LRRC4C: variants seen among roughly 807,000 people sequenced by gnomAD.
LRRC4C encodes leucine rich repeat containing 4C.
Under a neutral mutation model 33.6 loss-of-function variants are expected in LRRC4C, and 5 were observed. The observed-to-expected ratio is 0.15, with a 90% CI of 0.08 to 0.31. LRRC4C has a LOEUF of 0.31. Ranked by LOEUF, LRRC4C falls within the 10% of genes least tolerant of loss-of-function variation. The probability of loss-of-function intolerance (pLI) is 1.00; values close to 1 mark genes in which losing one functional copy is unlikely to be tolerated. For synonymous variants in LRRC4C, 329 were observed against 302.0 expected, an observed-to-expected ratio of 1.09 and a Z score of -0.93; for missense variants, 560 against 796.7, an observed-to-expected ratio of 0.70 and a Z score of 3.58.
chr11:41,252,906 T>A (rs1948687540), intron 1 of LRRC4C, among the ~76,000 whole-genome samples: 1 of 152,176 alleles, frequency 6.6e-6, no homozygotes, highest in Middle Eastern at 3.4e-3. Context: ...GAAAGATCCA[T>A]CCCCATGATT....
At chr11:41,371,637 T>C (rs1478278187) in intron 1 of LRRC4C, among the ~76,000 whole-genome samples, 1 of 152,238 alleles carries the variant, frequency 6.6e-6, no homozygotes, top group African/African-American at 2.4e-5. Context: ...TGTGGATTGC[T>C]AAACCTCTTG....
intron 3 of LRRC4C, among the ~76,000 whole-genome samples, chr11:40,616,537 T>A (rs1465918590): frequency 6.6e-6 from 1 of 151,586 alleles, no homozygotes; most frequent in Non-Finnish European, 1.5e-5. Context: ...TAGACTGGAT[T>A]AAGAAAATGT....
intron 1 of LRRC4C, among the ~76,000 whole-genome samples, chr11:41,170,612 G>T (rs530136261): frequency 6.6e-6 from 1 of 152,150 alleles, no homozygotes; most frequent in Non-Finnish European, 1.5e-5. Flanking sequence ...TTTCAAGATG[G>T]ATTAAAGACT....
At chr11:41,338,636 A>G (rs1193819581) in intron 1 of LRRC4C, among the ~76,000 whole-genome samples, 1 of 152,134 alleles carries the variant, frequency 6.6e-6, no homozygotes, top group Non-Finnish European at 1.5e-5. Context: ...GCAAACCACC[A>G]TGGCGCATGT....
intron 2 of LRRC4C, among the ~76,000 whole-genome samples, chr11:40,882,454 G>C (rs1955229561): frequency 6.6e-6 from 1 of 152,086 alleles, no homozygotes; most frequent in Admixed American, 6.6e-5. Context: ...CATTAGGCTA[G>C]AATTCAGACT....
intron 1 of LRRC4C, among the ~76,000 whole-genome samples, chr11:41,441,284 G>A (rs964438623): frequency 3.3e-5 from 5 of 152,126 alleles, no homozygotes; most frequent in Non-Finnish European, 2.9e-5. Flanking sequence ...TTGTGTGTGT[G>A]TTGGTGTGAC....
At position 40,209,827 on chromosome 11, in the gene LRRC4C, A is replaced by G. The variant is rs757434948; in HGVS notation, c.-96+31692T>C. Among the ~76,000 whole-genome samples the G allele has an allele frequency of 5.8e-4, 89 of 152,230 alleles. 1 individual carries two copies. Among genetic ancestry groups the G allele is most frequent in the Non-Finnish European group, 1.1e-3 (74 of 68,038 alleles). On this transcript the variant is annotated intron_variant, in intron 5 of 6. Coordinates refer to ENST00000528697, the MANE Select transcript of LRRC4C (RefSeq NM_001258419.2). ...AAGAATAATGTAAGCATAAATCATA[A>G]CAATATACTAGGATGCCTGATAAAA...
rs1398389117 is a variant in LRRC4C at position 40,466,011 on chromosome 11, T to C, written c.-269-146290A>G. ...TATTCACAAGAGCAAAAATATAGAA[T>C]CAACCTAAGTGTCCATCAATGGATG... On this transcript the variant is annotated intron_variant, in intron 3 of 6. Transcript: ENST00000528697. Among the ~76,000 whole-genome samples the C allele has an allele frequency of 2.0e-5, 3 of 152,022 alleles. No homozygotes were observed. In the East Asian group the frequency reaches 5.8e-4, roughly 29 times the overall value.
chr11:40,177,241 C>T (rs1860582095), intron 5 of LRRC4C, among the ~76,000 whole-genome samples: 2 of 152,198 alleles, frequency 1.3e-5, no homozygotes, highest in South Asian at 4.2e-4. Flanking sequence ...GCATGAGCCA[C>T]CGTGCCCGGG....
At chr11:41,422,820 G>A (rs1483458675) in intron 1 of LRRC4C, among the ~76,000 whole-genome samples, 1 of 151,830 alleles carries the variant, frequency 6.6e-6, no homozygotes, top group Non-Finnish European at 1.5e-5. Flanking sequence ...AAAGAAATAA[G>A]AAATACAAAA....
At chr11:40,150,274 T>C (rs1293705244) in intron 5 of LRRC4C, among the ~76,000 whole-genome samples, 1 of 152,216 alleles carries the variant, frequency 6.6e-6, no homozygotes, top group African/African-American at 2.4e-5. Context: ...CAAAGACTGT[T>C]TTTTCCAAAT....
At chr11:40,774,614 T>G (rs899687135) in intron 2 of LRRC4C, among the ~76,000 whole-genome samples, 1 of 152,150 alleles carries the variant, frequency 6.6e-6, no homozygotes, top group African/African-American at 2.4e-5. Flanking sequence ...GCTATGATCT[T>G]TAACCTGTGA....
chr11:41,275,733 A>G (rs1463818013), intron 1 of LRRC4C, among the ~76,000 whole-genome samples: 3 of 152,208 alleles, frequency 2.0e-5, no homozygotes, highest in African/African-American at 7.2e-5. Context: ...TGGGAATGAC[A>G]TAGTCAAATT....
At chr11:40,950,547 C>G (rs1958646915) in intron 1 of LRRC4C, among the ~76,000 whole-genome samples, 1 of 151,936 alleles carries the variant, frequency 6.6e-6, no homozygotes, top group African/African-American at 2.4e-5. Flanking sequence ...TATAATATTA[C>G]TGAATTCAAA....
At chr11:40,279,847 C>T (rs1419330790) in intron 4 of LRRC4C, among the ~76,000 whole-genome samples, 2 of 152,092 alleles carry the variant, frequency 1.3e-5, no homozygotes, top group African/African-American at 4.8e-5. Flanking sequence ...CAGTATATGG[C>T]ATTTATTAGT....
intron 2 of LRRC4C, among the ~76,000 whole-genome samples, chr11:40,844,258 TA>T (rs886336352): frequency 4.6e-5 from 7 of 151,426 alleles, no homozygotes; most frequent in African/African-American, 1.2e-4. Context: ...AAATACAAAA[TA>T]AAAAAAATAC....
At chr11:40,722,359 A>G (rs1020827787) in intron 2 of LRRC4C, among the ~76,000 whole-genome samples, 1 of 152,110 alleles carries the variant, frequency 6.6e-6, no homozygotes, top group South Asian at 2.1e-4. Context: ...CTAAGCGCCT[A>G]TTTGCCAGCC....
intron 1 of LRRC4C, among the ~76,000 whole-genome samples, chr11:41,222,299 G>A (rs1347882782): frequency 6.6e-6 from 1 of 152,124 alleles, no homozygotes; most frequent in Non-Finnish European, 1.5e-5. Flanking sequence ...GATAGGCAAG[G>A]GTTACTCTGC....
chr11:40,145,147 T>A lies in LRRC4C; in HGVS notation c.-95-4294A>T, dbSNP rs1031348397. Among the ~76,000 whole-genome samples, 4 of 152,292 alleles carry A rather than the reference T, an allele frequency of 2.6e-5. No individual in the cohort carries two copies. The East Asian group carries it at 7.7e-4, about 29-fold the overall frequency. ...TTCAATAAATGTTTCTTGAATAAGA[T>A]AATGAAATAGCTTATTTGGTGAAAT... On this transcript the variant is annotated intron_variant, in intron 5 of 6. Transcript: ENST00000528697.
Sources: gnomAD v4.1 joint callset for allele counts (sites outside exome capture counted in the v4.1 genomes callset) on GRCh38, gnomAD v4.1.1 for gene constraint, MANE v1.5 for transcripts, NCBI Gene and HGNC (gene_info 2026-07-23, HGNC 2026-07-21) for gene names.